CTNNA2: variants seen among roughly 807,000 people sequenced by gnomAD.
CTNNA2 encodes the protein catenin alpha 2.
Under a neutral mutation model 101.0 loss-of-function variants are expected in CTNNA2, and 42 were observed. The ratio of observed to expected loss-of-function variants is 0.42; its 90% CI spans 0.32 to 0.54. The LOEUF (loss-of-function observed/expected upper bound fraction) is 0.54. Ranked by LOEUF, CTNNA2 falls within the 20% of genes least tolerant of loss-of-function variation. The probability of loss-of-function intolerance (pLI) is 0.14; values close to 1 mark genes in which losing one functional copy is unlikely to be tolerated. For synonymous variants in CTNNA2, 450 were observed against 456.4 expected, an observed-to-expected ratio of 0.99 and a Z score of 0.18; for missense variants, 871 against 1,223.1, an observed-to-expected ratio of 0.71 and a Z score of 4.29.
intron 7 of CTNNA2, among the ~76,000 whole-genome samples, chr2:80,078,142 A>G (rs920169138): frequency 6.6e-6 from 1 of 152,208 alleles, no homozygotes; most frequent in African/African-American, 2.4e-5. Context: ...TAAACTGACT[A>G]GATGCTAAGT....
At chr2:79,420,553 G>A (rs1678530482) in intron 4 of CTNNA2, among the ~76,000 whole-genome samples, 1 of 152,142 alleles carries the variant, frequency 6.6e-6, no homozygotes, top group African/African-American at 2.4e-5. Context: ...AGTTAAAAGT[G>A]TAGCTTTGAA....
chr2:79,616,806 G>A (rs1168170690), intron 1 of CTNNA2, among the ~76,000 whole-genome samples: 1 of 152,060 alleles, frequency 6.6e-6, no homozygotes, highest in Non-Finnish European at 1.5e-5. Context: ...TAGGTTAGTG[G>A]TTATTTCCCC....
intron 1 of CTNNA2, among the ~76,000 whole-genome samples, chr2:79,646,731 G>A (rs1680851888): frequency 6.6e-6 from 1 of 151,848 alleles, no homozygotes; most frequent in African/African-American, 2.4e-5. Flanking sequence ...GTCTCACTAT[G>A]TTGTCCAGGC....
At position 79,513,216 on chromosome 2, in the gene CTNNA2, C is replaced by G. The variant is rs919758769; in HGVS notation, c.-6+9C>G. 1.3e-5 allele frequency: 2 copies of G among 152,282 alleles called. No individual in the cohort carries two copies. Among genetic ancestry groups the G allele is most frequent in the African/African-American group, 4.8e-5 (2 of 41,362 alleles). The allele number at this position is 152,282 out of a possible 1,614,324, so 9.4% of individuals were successfully genotyped here. On this transcript the variant is annotated intron_variant, in intron 1 of 18. Coordinates refer to ENST00000402739, the MANE Select transcript of CTNNA2 (RefSeq NM_001282597.3). The stretch of plus-strand genomic sequence containing the variant: ...CCCACCGACCCACAGAGGTGAGTCC[C>G]GGGCAGAGCATCCTCCATCCCTGCC...
chr2:79,873,091 A>G (rs904863478), intron 5 of CTNNA2, among the ~76,000 whole-genome samples: 5 of 152,222 alleles, frequency 3.3e-5, no homozygotes, highest in African/African-American at 1.2e-4. Context: ...GTCAACAACA[A>G]CAAAGCAGGA....
At chr2:79,392,310 G>A (rs1156336492) in intron 4 of CTNNA2, among the ~76,000 whole-genome samples, 1 of 152,118 alleles carries the variant, frequency 6.6e-6, no homozygotes, top group East Asian at 1.9e-4. Context: ...CAGTAATTTT[G>A]GGGTGAGGTT....
chr2:79,646,921 C>A (rs553040779), intron 1 of CTNNA2, among the ~76,000 whole-genome samples: 1 of 152,256 alleles, frequency 6.6e-6, no homozygotes, highest in East Asian at 1.9e-4. Flanking sequence ...AGAAGACAAA[C>A]TTGTTGTCTT....
At chr2:79,462,673 T>C (rs575399477) in intron 4 of CTNNA2, among the ~76,000 whole-genome samples, 3 of 152,272 alleles carry the variant, frequency 2.0e-5, no homozygotes, top group East Asian at 1.9e-4. Context: ...TTATTAAATA[T>C]GTGTGGTTGA....
At chr2:80,215,922 T>G (rs1708238571) in intron 7 of CTNNA2, among the ~76,000 whole-genome samples, 1 of 152,170 alleles carries the variant, frequency 6.6e-6, no homozygotes, top group Non-Finnish European at 1.5e-5. Context: ...AATTCGAGCT[T>G]CCTGACCACT....
chr2:79,393,705 G>C (rs528477462), intron 4 of CTNNA2, among the ~76,000 whole-genome samples: 3 of 150,112 alleles, frequency 2.0e-5, no homozygotes, highest in Admixed American at 1.3e-4. Context: ...AAGCAGGAAT[G>C]TGGACATACT....
rs533548106 is a variant in CTNNA2, at chr2:80,470,554, T to C, written c.1290+50953T>C. ...TCTCCTCCTGGCCAGGGTCTTGCTC[T>C]ATACTGGACTGAACTTGCCAATGAG... On this transcript the variant is annotated intron_variant, in intron 9 of 18. Transcript: ENST00000402739. 4.6e-5 allele frequency among the ~76,000 whole-genome samples: 7 copies of C among 152,272 alleles called. No homozygotes were observed. In the South Asian group the frequency reaches 1.2e-3, roughly 27 times the overall value.
At chr2:79,488,250 A>G (rs1298436161) in intron 4 of CTNNA2, among the ~76,000 whole-genome samples, 1 of 140,162 alleles carries the variant, frequency 7.1e-6, no homozygotes, top group Non-Finnish European at 1.5e-5. Flanking sequence ...TTCGGGAGGC[A>G]GTGTTTGTGG....
At chr2:80,402,944 G>A (rs1678699689) in intron 8 of CTNNA2, among the ~76,000 whole-genome samples, 1 of 151,942 alleles carries the variant, frequency 6.6e-6, no homozygotes, top group East Asian at 1.9e-4. Context: ...CTGGAGCAGG[G>A]CCAGGACAAG....
chr2:79,296,525 C>G (rs1237779273), intron 2 of CTNNA2, among the ~76,000 whole-genome samples: 2 of 152,068 alleles, frequency 1.3e-5, no homozygotes, highest in African/African-American at 2.4e-5. Flanking sequence ...CATTTATTTA[C>G]TACACTTATT....
At chr2:80,263,334 A>G (rs773650387) in intron 7 of CTNNA2, among the ~76,000 whole-genome samples, 2 of 152,176 alleles carry the variant, frequency 1.3e-5, no homozygotes, top group Non-Finnish European at 2.9e-5. Context: ...AAGTGAATTT[A>G]TATATTTATT....
chr2:80,302,234 G>A lies in CTNNA2; in HGVS notation c.1057-90977G>A. ...AGGCGTATTTGGTAGCGCATGGGTT[G>A]AGAGCCACTGGGACAATCACACCTC... On this transcript the variant is annotated intron_variant, in intron 7 of 18. Coordinates refer to ENST00000402739, the MANE Select transcript of CTNNA2 (RefSeq NM_001282597.3). The surrounding 1 kb of genome is among the most constrained non-coding windows in gnomAD (Gnocchi z 6.4). 6.2e-7 allele frequency: 1 copy of A among 1,606,412 alleles called. No individual in the cohort carries two copies. Among genetic ancestry groups the A allele is most frequent in the Non-Finnish European group, 8.5e-7 (1 of 1,176,436 alleles).
At chr2:80,528,496 C>T (rs1395423555) in intron 9 of CTNNA2, among the ~76,000 whole-genome samples, 2 of 151,998 alleles carry the variant, frequency 1.3e-5, no homozygotes, top group African/African-American at 4.8e-5. Context: ...GTGCCCAGCC[C>T]TTAGCCATAC....
chr2:80,218,855 A>G (rs567071006), intron 7 of CTNNA2, among the ~76,000 whole-genome samples: 6 of 152,310 alleles, frequency 3.9e-5, no homozygotes, highest in Middle Eastern at 6.8e-3. Flanking sequence ...AATTTATTTA[A>G]TGCTTAGAAT....
At position 79,516,991 on chromosome 2, in the gene CTNNA2, T is replaced by C. The variant is rs1049705587; in HGVS notation, c.-6+3784T>C. Among the ~76,000 whole-genome samples, 9 of 152,286 alleles carry C rather than the reference T, an allele frequency of 5.9e-5. No homozygotes were observed. In the East Asian group the frequency reaches 1.2e-3, roughly 20 times the overall value. ...TCCTAATTACAAAAGCCCCTTTTCATTGGTGTCCGAGATTATTAATAAATT... is the reference window on the plus strand; with the variant it reads ...TCCTAATTACAAAAGCCCCTTTTCACTGGTGTCCGAGATTATTAATAAATT... On this transcript the variant is annotated intron_variant, in intron 1 of 18. Transcript: ENST00000402739.
Sources: gnomAD v4.1 joint callset for allele counts (sites outside exome capture counted in the v4.1 genomes callset) on GRCh38, gnomAD v4.1.1 for gene constraint, Gnocchi (gnomAD v3.1) non-coding constraint, MANE v1.5 for transcripts, NCBI Gene and HGNC (gene_info 2026-07-23, HGNC 2026-07-21) for gene names.